The following CLEC12A variants were observed in gnomAD, a reference collection of about 807,000 sequenced individuals.
CLEC12A encodes C-type lectin domain family 12 member A.
CLEC12A carries 22 observed loss-of-function variants against 26.5 expected under a neutral mutation model. The observed-to-expected ratio is 0.83, with a 90% confidence interval of 0.59 to 1.19. The LOEUF is 1.19. CLEC12A is among the 50% of genes most tolerant of loss of function. The pLI is 0.00. For missense variants in CLEC12A, 353 were observed against 315.6 expected, an observed-to-expected ratio of 1.12 and a Z score of -0.90; for synonymous variants, 119 against 101.9, an observed-to-expected ratio of 1.17 and a Z score of -1.01.
Position 9,985,165 on chromosome 12 carries a change from A to G in CLEC12A, c.*139A>G, listed in dbSNP as rs1864727189. The G allele has an allele frequency of 1.1e-6, 1 of 950,126 alleles. No homozygotes were observed. Among genetic ancestry groups the G allele is most frequent in the Non-Finnish European group, 1.4e-6 (1 of 701,124 alleles). 58.9% of individuals were successfully genotyped at this position (950,126 alleles called of 1,614,324 possible). ...TATCATGCAGATGAAACATCCAGGT[A>G]GCAAGCTTCAGAGAGAATAGACTGT... On this transcript the variant is annotated 3_prime_UTR_variant, in exon 6 of 6. Coordinates refer to ENST00000304361, the MANE Select transcript of CLEC12A (RefSeq NM_138337.6).
chr12:9,998,606 G>A (rs112598018), downstream of CLEC12A, among the ~76,000 whole-genome samples: 239 of 130,390 alleles, frequency 1.8e-3, no homozygotes, highest in African/African-American at 6.6e-3. Context: ...TCTCCAAGCT[G>A]AAATATTACT....
downstream of CLEC12A, among the ~76,000 whole-genome samples, chr12:9,998,711 T>C (rs1403362607): frequency 6.6e-6 from 1 of 152,188 alleles, no homozygotes; most frequent in Non-Finnish European, 1.5e-5. Context: ...ATTGCTTTAA[T>C]AAACAGCAAA....
rs1471933862 is a variant in CLEC12A at position 9,984,930 on chromosome 12, T to C, written c.702T>C (p.Tyr234=). The change falls in exon 6 of 6, where the codon TAT becomes TAC. Residue 234 remains tyrosine (Y), a synonymous_variant. Coordinates refer to ENST00000304361, the MANE Select transcript of CLEC12A (RefSeq NM_138337.6). Reference sequence around the variant, plus strand: ...ATTGTGGATATATAAATAGACTATATGTTCAATATTATCACTGCACTTATA... The same window carrying C: ...ATTGTGGATATATAAATAGACTATACGTTCAATATTATCACTGCACTTATA... ...NMYCGYINRL[Y]VQYYHCTYKK... The C allele has an allele frequency of 5.7e-6, 9 of 1,582,770 alleles. No individual in the cohort carries two copies. The highest frequency in any genetic ancestry group is 7.7e-6 in the Non-Finnish European group (9 of 1,161,822).
chr12:9,963,796 G>A (rs1212619608), intron 1 of CLEC12A, among the ~76,000 whole-genome samples: 1 of 152,160 alleles, frequency 6.6e-6, no homozygotes, highest in African/African-American at 2.4e-5. Context: ...GTGCTGAAAG[G>A]GGTGTCTTGT....
At chr12:9,953,895 G>T (rs1863694901) in intron 1 of CLEC12A, among the ~76,000 whole-genome samples, 1 of 151,898 alleles carries the variant, frequency 6.6e-6, no homozygotes, top group Non-Finnish European at 1.5e-5. Flanking sequence ...GGATCCTGTT[G>T]ATCTGTGACC....
At chr12:9,955,890 G>T (rs1281429824) in intron 1 of CLEC12A, among the ~76,000 whole-genome samples, 4 of 152,166 alleles carry the variant, frequency 2.6e-5, no homozygotes, top group Non-Finnish European at 4.4e-5. Context: ...ACAGAATCAA[G>T]CTATACTGGA....
intron 1 of CLEC12A, among the ~76,000 whole-genome samples, chr12:9,960,484 G>A (rs2012504): frequency 0.3 from 45,778 of 151,954 alleles, 7,315 homozygotes; most frequent in Non-Finnish European, 0.35. Flanking sequence ...TTCTAAAACT[G>A]AAATAAAAGT....
chr12:9,971,364 G>T, upstream of CLEC12A: 1 of 1,101,538 alleles, frequency 9.1e-7, no homozygotes, highest in East Asian at 4.7e-5. Context: ...GATGTTATCT[G>T]TTGCAACAGT....
downstream of CLEC12A, among the ~76,000 whole-genome samples, chr12:9,987,194 C>T (rs562703375): frequency 6.6e-6 from 1 of 152,318 alleles, no homozygotes; most frequent in South Asian, 2.1e-4. Context: ...GTCTATCAGG[C>T]ATGGTAGAAT....
At chr12:9,955,231 C>T (rs948781812) in intron 1 of CLEC12A, among the ~76,000 whole-genome samples, 3 of 151,898 alleles carry the variant, frequency 2.0e-5, no homozygotes, top group African/African-American at 4.8e-5. Context: ...GGACCACAGG[C>T]GCCCGCCACC....
chr12:10,001,390 C>G, the CLEC12A span, among the ~76,000 whole-genome samples: 28 of 152,326 alleles, frequency 1.8e-4, no homozygotes, highest in Middle Eastern at 3.4e-3. Context: ...TCTGGACTTT[C>G]CATTGCTTCA....
chr12:9,983,942 G>A (rs1864662412), intron 5 of CLEC12A: 1 of 194,132 alleles, frequency 5.2e-6, no homozygotes. Flanking sequence ...TGTGTGTCAG[G>A]AGAGAGTACA....
chr12:9,972,056 GT>G (rs1565554569), intron 1 of CLEC12A, among the ~76,000 whole-genome samples: 7 of 145,034 alleles, frequency 4.8e-5, no homozygotes, highest in Non-Finnish European at 8.9e-5. Flanking sequence ...GTGTGTGTGT[GT>G]GTGTTTTTTT....
the CLEC12A span, among the ~76,000 whole-genome samples, chr12:10,001,984 G>T: frequency 0.026 from 3,917 of 149,392 alleles, 72 homozygotes; most frequent in African/African-American, 0.04. Context: ...GGTTCACGCC[G>T]TTCTCCTGCC....
upstream of CLEC12A, chr12:9,971,375 T>C: frequency 8.7e-7 from 1 of 1,152,796 alleles, no homozygotes; most frequent in Non-Finnish European, 1.1e-6. Flanking sequence ...TTGCAACAGT[T>C]CAATGTTCTT....
rs753409256 is a variant in CLEC12A, at chr12:9,982,090, G to C, written c.602G>C (p.Arg201Pro). The C allele has an allele frequency of 6.3e-7, 1 of 1,594,692 alleles. No individual in the cohort carries two copies. Among genetic ancestry groups the C allele is most frequent in the Admixed American group, 1.7e-5 (1 of 59,784 alleles). The change falls in exon 5 of 6, where the codon CGT becomes CCT. Residue 201 changes from arginine (R) to proline (P), a missense_variant. By Grantham distance (103) the Arg-to-Pro change is moderately radical. Transcript: ENST00000304361. ...LGLSPEEDST[R>P]GMRVDNIINS... Reference sequence around the variant, plus strand: ...TTATCTCCTGAAGAAGATTCCACTCGTGGTATGAGAGTGGATAATATAATC... The same window carrying C: ...TTATCTCCTGAAGAAGATTCCACTCCTGGTATGAGAGTGGATAATATAATC...
upstream of CLEC12A, among the ~76,000 whole-genome samples, chr12:9,969,168 G>C (rs777030950): frequency 2.6e-5 from 4 of 152,104 alleles, no homozygotes; most frequent in Admixed American, 6.6e-5. Flanking sequence ...ACAAATTCTA[G>C]TATTTGATAG....
At chr12:9,951,702 T>A (rs2137076483) in intron 1 of CLEC12A, 1 of 313,166 alleles carries the variant, frequency 3.2e-6, no homozygotes, top group South Asian at 3.4e-5. Flanking sequence ...GCAGTTAGAT[T>A]GTATTCTGGT....
the CLEC12A span, among the ~76,000 whole-genome samples, chr12:10,003,662 C>T: frequency 2.6e-5 from 4 of 152,074 alleles, no homozygotes; most frequent in Non-Finnish European, 5.9e-5. Flanking sequence ...TCCTGTAATC[C>T]CAACACGTTG....
Sources: allele counts gnomAD v4.1 joint callset (sites outside exome capture counted in the v4.1 genomes callset), GRCh38; gene constraint gnomAD v4.1.1; transcripts MANE v1.5; gene names NCBI Gene and HGNC (gene_info 2026-07-23, HGNC 2026-07-21).